ZNF318: variants seen among roughly 807,000 people sequenced by gnomAD.
ZNF318 encodes the protein endocrine regulator.
ZNF318 carries 51 observed loss-of-function variants against 124.2 expected under a neutral mutation model. The observed-to-expected ratio is 0.41, with a 90% CI of 0.33 to 0.52. The LOEUF (loss-of-function observed/expected upper bound fraction) is 0.52. Among genes scored for constraint, ZNF318 ranks in the 20% least tolerant of loss-of-function variants. The pLI is 0.23. For missense variants in ZNF318, 2,815 were observed against 2,811.2 expected (o/e 1.00, Z -0.03); for synonymous variants, 1,090 against 1,040.7 (o/e 1.05, Z -0.91).
chr6:43,353,486 T>C (rs1408233322), intron 4 of ZNF318, among the ~76,000 whole-genome samples: 1 of 151,760 alleles, frequency 6.6e-6, no homozygotes, highest in Non-Finnish European at 1.5e-5. Flanking sequence ...GCAATTCTCC[T>C]GCCACAGCCT....
At chr6:43,361,558 T>C (rs1779682607) in intron 2 of ZNF318, among the ~76,000 whole-genome samples, 5 of 152,004 alleles carry the variant, frequency 3.3e-5, no homozygotes, top group Non-Finnish European at 1.5e-5. Flanking sequence ...GAGCAAGACA[T>C]TGTCTTTTAA....
At position 43,357,293 on chromosome 6, in the gene ZNF318, C is replaced by T; in HGVS notation, c.1021G>A (p.Gly341Arg). Reference sequence around the variant, plus strand: ...CAGCCAGTACCACCACCATCAACTCCAACCAGCTCCTGACTCAAGCTCCTA... The same window carrying T: ...CAGCCAGTACCACCACCATCAACTCTAACCAGCTCCTGACTCAAGCTCCTA... ...RSRSLSQELV[G>R]VDGGGTGCSI... Residue 341 changes from glycine to arginine, a missense_variant, in exon 3 of 10, where the codon GGA becomes AGA. Gly to Arg is a moderately radical substitution (Grantham distance 125, BLOSUM62 -2). Coordinates refer to ENST00000361428, the MANE Select transcript of ZNF318 (RefSeq NM_014345.3). 6.2e-7 allele frequency: 1 copy of T among 1,614,192 alleles called. No individual in the cohort carries two copies. The highest frequency in any genetic ancestry group is 8.5e-7 in the Non-Finnish European group (1 of 1,180,020).
In ZNF318 at chr6:43,338,956, C is replaced by A; in HGVS notation, c.5042G>T (p.Cys1681Phe). Residue 1681 changes from cysteine (C) to phenylalanine (F), a missense_variant, in exon 10 of 10, where the codon TGC becomes TTC. Cys to Phe is a radical substitution (Grantham distance 205). Transcript: ENST00000361428. Reference protein sequence around the residue: ...YGFLQPLTRLCQSRPYETITP... With the variant: ...YGFLQPLTRLFQSRPYETITP... ...AATTGTTTCATAAGGCCTGCTTTGGCACAACCTTGTCAGAGGCTGTAGGAA... is the reference window on the plus strand; with the variant it reads ...AATTGTTTCATAAGGCCTGCTTTGGAACAACCTTGTCAGAGGCTGTAGGAA... 6.2e-7 allele frequency: 1 copy of A among 1,614,164 alleles called. No individual in the cohort carries two copies. The highest frequency in any genetic ancestry group is 8.5e-7 in the Non-Finnish European group (1 of 1,180,020).
intron 4 of ZNF318, among the ~76,000 whole-genome samples, chr6:43,353,689 T>C (rs1779564685): frequency 6.6e-6 from 1 of 152,172 alleles, no homozygotes; most frequent in African/African-American, 2.4e-5. Flanking sequence ...TTAACTTTTA[T>C]GAGCAAACCA....
chr6:43,352,582 C>G (rs990735603), intron 4 of ZNF318, 106 bp from the exon 5 acceptor site: 2 of 968,156 alleles, frequency 2.1e-6, no homozygotes, highest in Non-Finnish European at 3.2e-6. Context: ...TGTAAGGATC[C>G]AAATGCCTGC....
At chr6:43,368,507 G>T (rs1038849831) in intron 1 of ZNF318, among the ~76,000 whole-genome samples, 6 of 152,304 alleles carry the variant, frequency 3.9e-5, no homozygotes, top group African/African-American at 1.4e-4. Flanking sequence ...CACTCTAGAC[G>T]TAAAGCCTGG....
chr6:43,368,895 G>A (rs1779796392), intron 1 of ZNF318, 72 bp downstream of exon 1: 6 of 1,281,840 alleles, frequency 4.7e-6, no homozygotes, highest in Non-Finnish European at 5.9e-6. Context: ...GGCCCCGGGC[G>A]TTTCTGGAAA....
chr6:43,364,121 G>A (rs922838550), intron 2 of ZNF318: 12 of 1,094,196 alleles, frequency 1.1e-5, no homozygotes, highest in Admixed American at 3.8e-5. Context: ...GGGCAACTTC[G>A]CCAAGGCCAC....
Position 43,355,849 on chromosome 6 carries a change from C to T in ZNF318, c.1485G>A (p.Leu495=). 6.2e-7 allele frequency: 1 copy of T among 1,614,234 alleles called. No individual in the cohort carries two copies. Among genetic ancestry groups the T allele is most frequent in the Middle Eastern group, 1.6e-4 (1 of 6,062 alleles). The stretch of plus-strand genomic sequence containing the variant: ...CATCCTGGCTAGCTCTCTCATGGGG[C>T]AGCAGGAAGTCTGTGTGTCGCTCAG... ...EGPERHTDFL[L]PHERASQDGS... Residue 495 remains leucine (L), a synonymous_variant, in exon 4 of 10, where the codon CTG becomes CTA. Coordinates refer to ENST00000361428, the MANE Select transcript of ZNF318 (RefSeq NM_014345.3).
chr6:43,340,460 G>C lies in ZNF318; in HGVS notation c.3538C>G (p.Leu1180Val). The C allele has an allele frequency of 6.2e-7, 1 of 1,612,422 alleles. No homozygotes were observed. The highest frequency in any genetic ancestry group is 8.5e-7 in the Non-Finnish European group (1 of 1,179,536). ...ACAGCCAAGCCAGCTTGGCGGTCCA[G>C]ATTCCGCCGCTCCTCATATAATGGG... is the stretch of plus-strand genomic sequence containing the variant. ...ENPLYEERRN[L>V]DRQAGLAVVL... Residue 1180 changes from leucine (L) to valine (V), a missense_variant, in exon 10 of 10, where the codon CTG becomes GTG. This residue lies in a region of ZNF318 where 500 missense variants were observed against 605.2 expected (regional missense o/e 0.83). Transcript: ENST00000361428.
chr6:43,340,928 G>T lies in ZNF318; in HGVS notation c.3377-20C>A, dbSNP rs1779366965. The T allele has an allele frequency of 6.4e-7, 1 of 1,573,962 alleles. No individual in the cohort carries two copies. The highest frequency in any genetic ancestry group is 1.1e-5 in the South Asian group (1 of 90,284). ...CAGAGCCTGGAAGAAGTAGAAAAAA[G>T]TCAAGGAAATAAGTCGATTCCACCC... is the stretch of plus-strand genomic sequence containing the variant. On this transcript the variant is annotated intron_variant, in intron 8 of 9. Transcript: ENST00000361428.
intron 9 of ZNF318, 67 bp from the exon 10 acceptor site, chr6:43,340,569 C>T: frequency 1.3e-6 from 2 of 1,504,592 alleles, no homozygotes; most frequent in East Asian, 4.7e-5. Context: ...CTTGGCCCCG[C>T]TACTGTTAGA....
rs1177287871 is a variant in ZNF318, at chr6:43,355,124, G to A, written c.2210C>T (p.Ala737Val). Residue 737 changes from alanine (A) to valine (V), a missense_variant, in exon 4 of 10, where the codon GCA (alanine) becomes GTA (valine). Ala to Val is a moderately conservative substitution (Grantham distance 64). Transcript: ENST00000361428. Reference protein sequence around the residue: ...VVGSGFQSSVAVRCMLPSAPS... With the variant: ...VVGSGFQSSVVVRCMLPSAPS... ...GGCTGATGGCAACATGCACCTGACT[G>A]CAACAGATGACTGAAACCCACTACC... 2.5e-6 allele frequency: 4 copies of A among 1,614,096 alleles called. No individual in the cohort carries two copies. The African/African-American group carries it at 5.3e-5, about 22-fold the overall frequency.
rs1172588554 is a variant in ZNF318 at position 43,355,041 on chromosome 6, T to C, written c.2293A>G (p.Arg765Gly). ...TAALSQFHMP[R>G]ASQFAAARIP... Reference sequence around the variant, plus strand: ...CGAGCTGCAGCAAACTGAGAGGCCCTTGGCATGTGAAACTGAGATAAAGCA... The same window carrying C: ...CGAGCTGCAGCAAACTGAGAGGCCCCTGGCATGTGAAACTGAGATAAAGCA... Residue 765 changes from arginine to glycine, a missense_variant, in exon 4 of 10, where the codon AGG (arginine) becomes GGG (glycine). By Grantham distance (125) the Arg-to-Gly change is moderately radical (BLOSUM62 -2). Coordinates refer to ENST00000361428, the MANE Select transcript of ZNF318 (RefSeq NM_014345.3). 2 of 1,613,984 alleles carry C rather than the reference T, an allele frequency of 1.2e-6. No individual in the cohort carries two copies. Among genetic ancestry groups the C allele is most frequent in the Non-Finnish European group, 1.7e-6 (2 of 1,179,886 alleles).
intron 5 of ZNF318, among the ~76,000 whole-genome samples, chr6:43,349,484 T>C (rs1241081460): frequency 6.6e-6 from 1 of 151,538 alleles, no homozygotes; most frequent in Non-Finnish European, 1.5e-5. Flanking sequence ...CTTCAGCCTC[T>C]GAAAGTGCTG....
intron 5 of ZNF318, among the ~76,000 whole-genome samples, chr6:43,351,830 G>A (rs1299069788): frequency 6.6e-6 from 1 of 151,738 alleles, no homozygotes; most frequent in Admixed American, 6.6e-5. Context: ...GAAAAAGATA[G>A]AGCAAGCGTA....
chr6:43,349,716 T>C (rs1779500551), intron 5 of ZNF318, among the ~76,000 whole-genome samples: 1 of 152,184 alleles, frequency 6.6e-6, no homozygotes. Flanking sequence ...TCACTGTGTA[T>C]GTGAATTCCT....
chr6:43,343,281 A>G (rs1363327268), intron 6 of ZNF318, among the ~76,000 whole-genome samples: 1 of 152,194 alleles, frequency 6.6e-6, no homozygotes, highest in East Asian at 1.9e-4. Flanking sequence ...TAAATTTGAA[A>G]ATCATGACAG....
rs760511599 is a variant in ZNF318 at position 43,339,993 on chromosome 6, A to C, written c.4005T>G (p.Pro1335=). ...SGKTVVAHTS[P]WMPVVTTSTQ... is the part of the protein sequence containing the mutation. ...TGGAAGTTGTCACAACAGGCATCCA[A>C]GGGCTGGTATGTGCAACAACAGTTT... The change falls in exon 10 of 10, where the codon CCT becomes CCG. Residue 1335 remains proline, a synonymous_variant. Coordinates refer to ENST00000361428, the MANE Select transcript of ZNF318 (RefSeq NM_014345.3). The surrounding 1 kb of genome is among the most constrained non-coding windows in gnomAD (Gnocchi z 4.2). 1.9e-6 allele frequency: 3 copies of C among 1,614,212 alleles called. No homozygotes were observed. In the South Asian group the frequency reaches 3.3e-5, roughly 18 times the overall value.
Sources: allele counts gnomAD v4.1 joint callset (sites outside exome capture counted in the v4.1 genomes callset), GRCh38; gene constraint gnomAD v4.1.1; regional missense constraint gnomAD v4.1.1; non-coding constraint Gnocchi (gnomAD v3.1); transcripts MANE v1.5; gene names NCBI Gene and HGNC (gene_info 2026-07-23, HGNC 2026-07-21).